The following BSND variants were observed in gnomAD, a reference collection of about 807,000 sequenced individuals.
BSND encodes barttin CLCNK type accessory subunit beta, also known as barttin.
BSND carries 13 observed loss-of-function variants against 18.8 expected under a neutral mutation model. The observed-to-expected ratio is 0.69, with a 90% CI of 0.45 to 1.10. The LOEUF is 1.10. Among genes scored for constraint, BSND ranks in the 50% least tolerant of loss-of-function variants. The pLI, the probability that BSND is intolerant of heterozygous loss-of-function variation, is 0.00. For synonymous variants in BSND, 170 were observed against 161.8 expected (o/e 1.05, Z -0.39); for missense variants, 379 against 416.7 (o/e 0.91, Z 0.79).
Position 55,014,614 on chromosome 1 carries a change from C to T in BSND, c.*5986C>T, listed in dbSNP as rs188261820. ...GTGTCATCCAAGCACATGTATAATT[C>T]GAGCTTTGTATCGTCAGTGCTTCCA... On this transcript the variant is annotated 3_prime_UTR_variant, in exon 4 of 4. Coordinates refer to ENST00000651561, the MANE Select transcript of BSND (RefSeq NM_057176.3). 1.8e-4 allele frequency among the ~76,000 whole-genome samples: 28 copies of T among 152,316 alleles called. No homozygotes were observed. In the East Asian group the frequency reaches 4.1e-3, roughly 22 times the overall value.
Position 55,007,189 on chromosome 1 carries a change from G to A in BSND, c.465G>A (p.Gln155=), listed in dbSNP as rs540317305. 12 of 1,614,234 alleles carry A rather than the reference G, an allele frequency of 7.4e-6. No individual in the cohort carries two copies. In the East Asian group the frequency reaches 2.0e-4, roughly 27 times the overall value. ...DGGEGGPGDV[Q]AWMEAAVVIH... ...GAGAAGGTGGCCCTGGCGACGTTCA[G>A]GCCTGGATGGAGGCTGCCGTGGTCA... is the stretch of plus-strand genomic sequence containing the variant. Residue 155 remains glutamine (Q), a synonymous_variant, in exon 3 of 4, where the codon CAG becomes CAA. Transcript: ENST00000651561.
rs1368182746 is a variant in BSND, at chr1:55,009,051, G to T, written c.*423G>T. 1 of 259,812 alleles carries T rather than the reference G, an allele frequency of 3.8e-6. No individual in the cohort carries two copies. 16.1% of individuals were successfully genotyped at this position (259,812 alleles called of 1,614,324 possible). A position where few individuals can be genotyped will look rare whatever the true frequency, so the allele number is the denominator to read the frequency against. On this transcript the variant is annotated 3_prime_UTR_variant, in exon 4 of 4. Coordinates refer to ENST00000651561, the MANE Select transcript of BSND (RefSeq NM_057176.3). ...CGTGATCCGTCTTTACACAGAGGGAGCCTCATCTCCTCCTGGGCCACATTC... is the reference window on the plus strand; with the variant it reads ...CGTGATCCGTCTTTACACAGAGGGATCCTCATCTCCTCCTGGGCCACATTC...
chr1:55,008,240 C>T lies in BSND; in HGVS notation c.575C>T (p.Ala192Val), dbSNP rs770850590. The change falls in exon 4 of 4, where the codon GCC becomes GTC. Residue 192 changes from alanine (A) to valine (V), a missense_variant. Transcript: ENST00000651561. The part of the protein sequence containing the change: ...PGPLACPQGP[A>V]PLASFQDDLD... ...CCCCTGGCCTGTCCCCAGGGCCCTGCCCCCTTGGCTTCCTTCCAAGATGAC... is the reference window on the plus strand; with the variant it reads ...CCCCTGGCCTGTCCCCAGGGCCCTGTCCCCTTGGCTTCCTTCCAAGATGAC... 2 of 1,614,170 alleles carry T rather than the reference C, an allele frequency of 1.2e-6. No individual in the cohort carries two copies. The highest frequency in any genetic ancestry group is 2.2e-5 in the South Asian group (2 of 91,082).
At chr1:55,006,933 G>T in intron 2 of BSND, 64 bp from the exon 3 acceptor site, 1 of 1,609,836 alleles carries the variant, frequency 6.2e-7, no homozygotes, top group East Asian at 2.2e-5. Context: ...AAACAGGGCC[G>T]GGGAGAACAC....
At chr1:55,006,953 C>T (rs1644394283) in intron 2 of BSND, 44 bp from the exon 3 acceptor site, 2 of 1,612,554 alleles carry the variant, frequency 1.2e-6, no homozygotes, top group Non-Finnish European at 1.7e-6. Context: ...CTGGTGTTTG[C>T]TGAGTGACTC....
At chr1:55,004,690 G>T (rs1240550812) in intron 1 of BSND, among the ~76,000 whole-genome samples, 2 of 152,234 alleles carry the variant, frequency 1.3e-5, no homozygotes, top group African/African-American at 4.8e-5. Context: ...GGCACTGGAC[G>T]AAGACCCCTG....
At position 55,004,689 on chromosome 1, in the gene BSND, C is replaced by T. The variant is rs144231883; in HGVS notation, c.178-333C>T. 2.2e-4 allele frequency among the ~76,000 whole-genome samples: 33 copies of T among 152,332 alleles called. No individual in the cohort carries two copies. In the East Asian group the frequency reaches 3.5e-3, roughly 16 times the overall value. ...TGCCAGGCTTGTGCTGGGCACTGGA[C>T]GAAGACCCCTGGGAAATGAAAAGAT... On this transcript the variant is annotated intron_variant, in intron 1 of 3. Transcript: ENST00000651561.
At position 54,998,970 on chromosome 1, in the gene BSND, G is replaced by T; in HGVS notation, c.-217G>T. ...AGAGGGCAAGGAGTAAAGGTGGCTG[G>T]GTGTGGGTCCGTTGAAGCGAGCCGC... On this transcript the variant is annotated 5_prime_UTR_variant, in exon 1 of 4. Coordinates refer to ENST00000651561, the MANE Select transcript of BSND (RefSeq NM_057176.3). 1 of 589,398 alleles carries T rather than the reference G, an allele frequency of 1.7e-6. No individual in the cohort carries two copies. The highest frequency in any genetic ancestry group is 3.0e-6 in the Non-Finnish European group (1 of 332,336). 36.5% of individuals were successfully genotyped at this position (589,398 alleles called of 1,614,324 possible). A position where few individuals can be genotyped will look rare whatever the true frequency, so the allele number is the denominator to read the frequency against.
Position 55,013,791 on chromosome 1 carries a change from G to T in BSND, c.*5163G>T, listed in dbSNP as rs1263586430. Among the ~76,000 whole-genome samples, 1 of 152,022 alleles carries T rather than the reference G, an allele frequency of 6.6e-6. No individual in the cohort carries two copies. The highest frequency in any genetic ancestry group is 1.5e-5 in the Non-Finnish European group (1 of 67,998). ...GGCATTTGAGGCCCTTCATGATCTG[G>T]CCCCAACTGCCCCATCCAGCTGAAT... is the stretch of plus-strand genomic sequence containing the variant. On this transcript the variant is annotated 3_prime_UTR_variant, in exon 4 of 4. Transcript: ENST00000651561.
Position 55,008,374 on chromosome 1 carries a change from C to A in BSND, c.709C>A (p.Arg237Ser), listed in dbSNP as rs368804400. Residue 237 changes from arginine to serine, a missense_variant, in exon 4 of 4, where the codon CGC (arginine) becomes AGC (serine). Physicochemically the swap from Arg to Ser is moderately radical, Grantham distance 110 (BLOSUM62 -1). Coordinates refer to ENST00000651561, the MANE Select transcript of BSND (RefSeq NM_057176.3). ...TCAGGGCTGCAGGTGCCCGCTGGACCGCTTCCAAGACTTTGCCCTGATTGA... is the reference window on the plus strand; with the variant it reads ...TCAGGGCTGCAGGTGCCCGCTGGACAGCTTCCAAGACTTTGCCCTGATTGA... Reference protein sequence around the residue: ...EPQGCRCPLDRFQDFALIDAP... With the variant: ...EPQGCRCPLDSFQDFALIDAP... 6.2e-7 allele frequency: 1 copy of A among 1,614,220 alleles called. No homozygotes were observed. Among genetic ancestry groups the A allele is most frequent in the South Asian group, 1.1e-5 (1 of 91,088 alleles).
In BSND at chr1:55,016,612, G is replaced by A. The variant is rs1644452801; in HGVS notation, c.*7984G>A. Among the ~76,000 whole-genome samples, 1 of 150,816 alleles carries A rather than the reference G, an allele frequency of 6.6e-6. No homozygotes were observed. The highest frequency in any genetic ancestry group is 2.4e-5 in the African/African-American group (1 of 40,912). ...TTGTTGTTGTTGTTGTTGTTTGTTT[G>A]TTGTTTTGAGACAAGGTCTTGCCGT... On this transcript the variant is annotated 3_prime_UTR_variant, in exon 4 of 4. Transcript: ENST00000651561.
intron 2 of BSND, among the ~76,000 whole-genome samples, chr1:55,005,328 T>C (rs1337093611): frequency 2.6e-5 from 4 of 152,230 alleles, no homozygotes; most frequent in African/African-American, 9.6e-5. Context: ...CCCAGGGACT[T>C]TGTCTTGTCA....
intron 1 of BSND, among the ~76,000 whole-genome samples, chr1:55,001,201 C>CGTGT (rs36051858): frequency 0.012 from 1,643 of 136,984 alleles, 12 homozygotes; most frequent in East Asian, 0.029. Flanking sequence ...ACAGTGGGAT[C>CGTGT]GTGTGTGTGT....
At chr1:55,001,280 A>G (rs549276759) in intron 1 of BSND, among the ~76,000 whole-genome samples, 5 of 151,710 alleles carry the variant, frequency 3.3e-5, no homozygotes, top group Non-Finnish European at 7.4e-5. Flanking sequence ...GCCATGGAAC[A>G]TATGTGAAGG....
In BSND at chr1:55,012,259, A is replaced by C. The variant is rs1644425982; in HGVS notation, c.*3631A>C. On this transcript the variant is annotated 3_prime_UTR_variant, in exon 4 of 4. Coordinates refer to ENST00000651561, the MANE Select transcript of BSND (RefSeq NM_057176.3). Reference sequence around the variant, plus strand: ...TGGGCAAGATTCCACTTCTGCTCCCAGTCCCTGAGCACTGTGTGCCTGTCA... The same window carrying C: ...TGGGCAAGATTCCACTTCTGCTCCCCGTCCCTGAGCACTGTGTGCCTGTCA... Among the ~76,000 whole-genome samples the C allele has an allele frequency of 6.6e-6, 1 of 152,182 alleles. No homozygotes were observed. Among genetic ancestry groups the C allele is most frequent in the South Asian group, 2.1e-4 (1 of 4,832 alleles).
rs1644418986 is a variant in BSND, at chr1:55,010,857, A to G, written c.*2229A>G. On this transcript the variant is annotated 3_prime_UTR_variant, in exon 4 of 4. Coordinates refer to ENST00000651561, the MANE Select transcript of BSND (RefSeq NM_057176.3). ...AGAAACAGCGTCAGCACTAAGGGCT[A>G]AAATAAAACTACTTTCAACATTTAA... 6.6e-6 allele frequency: 1 copy of G among 152,260 alleles called. No individual in the cohort carries two copies. The highest frequency in any genetic ancestry group is 2.4e-5 in the African/African-American group (1 of 41,464). The allele number at this position is 152,260 out of a possible 1,614,324, so 9.4% of individuals were successfully genotyped here.
rs953834503 is a variant in BSND, at chr1:55,011,963, T to C, written c.*3335T>C. Among the ~76,000 whole-genome samples the C allele has an allele frequency of 2.4e-4, 36 of 152,116 alleles. No homozygotes were observed. Among genetic ancestry groups the C allele is most frequent in the African/African-American group, 7.0e-4 (29 of 41,410 alleles). The stretch of plus-strand genomic sequence containing the variant: ...GGTGGCAAAGCCTGGGATTCTAGCG[T>C]TCAGCTCCAGGCTCCAGGTGTGTGT... On this transcript the variant is annotated 3_prime_UTR_variant, in exon 4 of 4. Coordinates refer to ENST00000651561, the MANE Select transcript of BSND (RefSeq NM_057176.3).
intron 1 of BSND, 84 bp downstream of exon 1, chr1:54,999,447 C>A (rs1644350514): frequency 7.2e-7 from 1 of 1,392,446 alleles, no homozygotes; most frequent in African/African-American, 1.4e-5. Context: ...TGCCTCACCC[C>A]CTATCCTTTA....
Position 54,999,094 on chromosome 1 carries a change from T to G in BSND, c.-93T>G, listed in dbSNP as rs1185950051. The G allele has an allele frequency of 6.7e-7, 1 of 1,498,838 alleles. No individual in the cohort carries two copies. The highest frequency in any genetic ancestry group is 1.4e-5 in the African/African-American group (1 of 72,492). 92.8% of individuals were successfully genotyped at this position (1,498,838 alleles called of 1,614,324 possible). On this transcript the variant is annotated 5_prime_UTR_variant, in exon 1 of 4. Transcript: ENST00000651561. ...TTGAGTTGCAGCGATTTCAGTGTCT[T>G]CTCTCCCTGTGTAAGCCTGTCTCGG...
Sources: allele counts gnomAD v4.1 joint callset (sites outside exome capture counted in the v4.1 genomes callset), GRCh38; gene constraint gnomAD v4.1.1; transcripts MANE v1.5; gene names NCBI Gene and HGNC (gene_info 2026-07-23, HGNC 2026-07-21).